P3H3: variants seen among roughly 807,000 people sequenced by gnomAD.
The protein encoded by P3H3 is gene rich cluster, B.
In P3H3, 64 loss-of-function variants were observed where a neutral mutation model predicts 78.1. The ratio of observed to expected loss-of-function variants is 0.82; its 90% CI spans 0.67 to 1.01. P3H3 has a LOEUF of 1.01. Ranked by LOEUF, P3H3 falls within the 50% of genes least tolerant of loss-of-function variation. The pLI, the probability that P3H3 is intolerant of heterozygous loss-of-function variation, is 0.00. For synonymous variants in P3H3, 425 were observed against 416.7 expected (o/e 1.02, Z -0.24); for missense variants, 975 against 982.2 (o/e 0.99, Z 0.10).
rs1225283465 is a variant in P3H3, at chr12:6,829,955, C to T, written c.595C>T (p.Arg199Ter). 3.3e-5 allele frequency: 53 copies of T among 1,613,900 alleles called. No individual in the cohort carries two copies. Among genetic ancestry groups the T allele is most frequent in the Non-Finnish European group, 4.2e-5 (50 of 1,179,890 alleles). The change falls in exon 2 of 15, where the codon CGA becomes TGA. Residue 199 changes from arginine to a stop codon, truncating the protein, a stop_gained. Transcript: ENST00000290510. LOFTEE classifies it high-confidence loss of function. The surrounding 1 kb of genome is among the most constrained non-coding windows in gnomAD (Gnocchi z 5.1). ...GCGGGAGGACATGGCTAAGTACAGACGAATGTCGGGAGTTCGGCCCCAGAG... is the reference window on the plus strand; with the variant it reads ...GCGGGAGGACATGGCTAAGTACAGATGAATGTCGGGAGTTCGGCCCCAGAG... ...QMREDMAKYR[R>*]MSGVRPQSFR...
In P3H3 at chr12:6,838,026, C is replaced by A. The variant is rs782805232; in HGVS notation, c.1898C>A (p.Thr633Asn). Residue 633 changes from threonine (T) to asparagine (N), a missense_variant, in exon 13 of 15, where the codon ACT becomes AAT. By Grantham distance (65) the Thr-to-Asn change is moderately conservative. Coordinates refer to ENST00000290510, the MANE Select transcript of P3H3 (RefSeq NM_014262.5). The part of the protein sequence containing the change: ...DLFFTEPNAL[T>N]VTARVRPRCG... ...TTCTTCACGGAGCCCAACGCCCTCACTGTCACGGTGCGTGGAGTGGGGGGT... is the reference window on the plus strand; with the variant it reads ...TTCTTCACGGAGCCCAACGCCCTCAATGTCACGGTGCGTGGAGTGGGGGGT... 2 of 1,603,736 alleles carry A rather than the reference C, an allele frequency of 1.2e-6. No individual in the cohort carries two copies. Among genetic ancestry groups the A allele is most frequent in the Non-Finnish European group, 1.7e-6 (2 of 1,174,836 alleles).
In P3H3 at chr12:6,828,850, G is replaced by T. The variant is rs782506845; in HGVS notation, c.410G>T (p.Gly137Val). Residue 137 changes from glycine (G) to valine (V), a missense_variant, in exon 1 of 15, where the codon GGC (glycine) becomes GTC (valine). By Grantham distance (109) the Gly-to-Val change is moderately radical. Transcript: ENST00000290510. ...QCAARRLGPG[G>V]AARLRVGSAL... ...GCAGCACGGAGGCTGGGCCCCGGGG[G>T]CGCGGCGCGGCTTCGCGTGGGGAGC... 17 of 1,245,462 alleles carry T rather than the reference G, an allele frequency of 1.4e-5. No individual in the cohort carries two copies. Among genetic ancestry groups the T allele is most frequent in the African/African-American group, 9.3e-5 (6 of 64,470 alleles). The allele number at this position is 1,245,462 out of a possible 1,614,324, so 77.2% of individuals were successfully genotyped here. A position where few individuals can be genotyped will look rare whatever the true frequency, so the allele number is the denominator to read the frequency against.
chr12:6,839,186 G>C, intron 14 of P3H3, 46 bp downstream of exon 14: 1 of 1,576,514 alleles, frequency 6.3e-7, no homozygotes, highest in South Asian at 1.2e-5. Flanking sequence ...GGTGCGTGAA[G>C]GGTGGGCAAG....
Position 6,828,877 on chromosome 12 carries a change from C to G in P3H3, c.437C>G (p.Ala146Gly). The G allele has an allele frequency of 8.0e-7, 1 of 1,247,030 alleles. No homozygotes were observed. The highest frequency in any genetic ancestry group is 1.0e-6 in the Non-Finnish European group (1 of 995,628). 77.2% of individuals were successfully genotyped at this position (1,247,030 alleles called of 1,614,324 possible). ...GGAARLRVGS[A>G]LRDAFRRREP... ...GCGGCGCGGCTTCGCGTGGGGAGCG[C>G]GCTCCGGGACGCCTTCCGCCGTCGG... The change falls in exon 1 of 15, where the codon GCG becomes GGG. Residue 146 changes from alanine (A) to glycine (G), a missense_variant. Transcript: ENST00000290510.
intron 9 of P3H3, among the ~76,000 whole-genome samples, chr12:6,836,470 T>C (rs1469697564): frequency 6.6e-6 from 1 of 151,128 alleles, no homozygotes; most frequent in Non-Finnish European, 1.5e-5. Context: ...TATCAAGGAG[T>C]GGGGGAGCCA....
chr12:6,831,737 G>A lies in P3H3; in HGVS notation c.1123-88G>A. On this transcript the variant is annotated intron_variant, in intron 5 of 14. Transcript: ENST00000290510. The surrounding 1 kb of genome is among the most constrained non-coding windows in gnomAD (Gnocchi z 4.6). ...CGGGGGGCATGGTGCCAGGTTCAAGGAGCATGGAGCACCCAGGCAGTGCCC... is the reference window on the plus strand; with the variant it reads ...CGGGGGGCATGGTGCCAGGTTCAAGAAGCATGGAGCACCCAGGCAGTGCCC... The A allele has an allele frequency of 3.6e-6, 3 of 822,994 alleles. No individual in the cohort carries two copies. Among genetic ancestry groups the A allele is most frequent in the Non-Finnish European group, 6.2e-6 (3 of 485,554 alleles). 51.0% of individuals were successfully genotyped at this position (822,994 alleles called of 1,614,324 possible).
chr12:6,830,628 T>C lies in P3H3; in HGVS notation c.854-11T>C. 6.2e-7 allele frequency: 1 copy of C among 1,608,286 alleles called. No homozygotes were observed. Among genetic ancestry groups the C allele is most frequent in the Non-Finnish European group, 8.5e-7 (1 of 1,177,270 alleles). On this transcript the variant is annotated splice_polypyrimidine_tract_variant and intron_variant, in intron 3 of 14. Transcript: ENST00000290510. ...TGAACAAGCTGAATGGCTTATGGGT[T>C]TCCTCTGCAGGACACTGGATTCAGG...
chr12:6,830,913 T>A (rs1555121321), intron 4 of P3H3, 143 bp downstream of exon 4: 2 of 1,275,944 alleles, frequency 1.6e-6, no homozygotes, highest in Non-Finnish European at 2.3e-6. Context: ...TCACAAGGAC[T>A]CTAATTTGCC....
intron 13 of P3H3, among the ~76,000 whole-genome samples, chr12:6,838,383 G>A (rs781811661): frequency 1.3e-5 from 2 of 152,170 alleles, no homozygotes; most frequent in Non-Finnish European, 2.9e-5. Context: ...TACCAGGGCC[G>A]CCTTGACTGG....
rs782669183 is a variant in P3H3, at chr12:6,830,626, G to A, written c.854-13G>A. ...CATGAACAAGCTGAATGGCTTATGG[G>A]TTTCCTCTGCAGGACACTGGATTCA... is the stretch of plus-strand genomic sequence containing the variant. On this transcript the variant is annotated splice_polypyrimidine_tract_variant and intron_variant, in intron 3 of 14. Transcript: ENST00000290510. The A allele has an allele frequency of 5.6e-6, 9 of 1,608,028 alleles. No individual in the cohort carries two copies. In the African/African-American group the frequency reaches 9.4e-5, roughly 17 times the overall value.
Position 6,830,625 on chromosome 12 carries a change from G to A in P3H3, c.854-14G>A, listed in dbSNP as rs1555121230. 8 of 1,607,444 alleles carry A rather than the reference G, an allele frequency of 5.0e-6. No individual in the cohort carries two copies. On this transcript the variant is annotated splice_polypyrimidine_tract_variant and intron_variant, in intron 3 of 14. Coordinates refer to ENST00000290510, the MANE Select transcript of P3H3 (RefSeq NM_014262.5). ...GCATGAACAAGCTGAATGGCTTATGGGTTTCCTCTGCAGGACACTGGATTC... is the reference window on the plus strand; with the variant it reads ...GCATGAACAAGCTGAATGGCTTATGAGTTTCCTCTGCAGGACACTGGATTC...
In P3H3 at chr12:6,837,063, C is replaced by T. The variant is rs1555122242; in HGVS notation, c.1537C>T (p.Leu513Phe). The change falls in exon 10 of 15, where the codon CTC becomes TTC. Residue 513 changes from leucine to phenylalanine, a missense_variant. By Grantham distance (22) the Leu-to-Phe change is conservative. Coordinates refer to ENST00000290510, the MANE Select transcript of P3H3 (RefSeq NM_014262.5). ...PHTPHERFEG[L>F]TVLKAAQLAR... The stretch of plus-strand genomic sequence containing the variant: ...CACCCCCCATGAACGCTTCGAGGGG[C>T]TCACGGTGCTTAAGGCTGCGCAGGT... 1 of 1,605,390 alleles carries T rather than the reference C, an allele frequency of 6.2e-7. No homozygotes were observed. Among genetic ancestry groups the T allele is most frequent in the Non-Finnish European group, 8.5e-7 (1 of 1,179,666 alleles).
rs1285575235 is a variant in P3H3, at chr12:6,831,152, C to T, written c.986-64C>T. ...CCACCTTCTCCAGCACTGCCTCTGC[C>T]CCAAGGATCAATGTGCTCTAAGTAT... On this transcript the variant is annotated intron_variant, in intron 4 of 14. Coordinates refer to ENST00000290510, the MANE Select transcript of P3H3 (RefSeq NM_014262.5). The surrounding 1 kb of genome is among the most constrained non-coding windows in gnomAD (Gnocchi z 4.6). 2 of 1,604,554 alleles carry T rather than the reference C, an allele frequency of 1.2e-6. No individual in the cohort carries two copies. Among genetic ancestry groups the T allele is most frequent in the Non-Finnish European group, 1.7e-6 (2 of 1,171,878 alleles).
intron 13 of P3H3, 110 bp from the exon 14 acceptor site, chr12:6,838,890 G>C (rs1050279205): frequency 2.2e-6 from 2 of 896,216 alleles, no homozygotes; most frequent in Non-Finnish European, 3.2e-6. Flanking sequence ...AAGTGGTAGC[G>C]AGAGAGCTGA....
chr12:6,838,083 G>A (rs1565514744), intron 13 of P3H3, 50 bp downstream of exon 13: 3 of 1,561,442 alleles, frequency 1.9e-6, no homozygotes, highest in East Asian at 4.8e-5. Context: ...CAGCTGTGGG[G>A]TCAGGATTCA....
Position 6,839,651 on chromosome 12 carries a change from T to A in P3H3, c.*190T>A. 1 of 740,664 alleles carries A rather than the reference T, an allele frequency of 1.4e-6. No individual in the cohort carries two copies. The highest frequency in any genetic ancestry group is 2.1e-6 in the Non-Finnish European group (1 of 473,140). 45.9% of individuals were successfully genotyped at this position (740,664 alleles called of 1,614,324 possible). A position where few individuals can be genotyped will look rare whatever the true frequency, so the allele number is the denominator to read the frequency against. Reference sequence around the variant, plus strand: ...GACAGTGCACAGGCTAGCCTGGAGCTCACCAGGCCTGGGGAGCTGGGACGG... The same window carrying A: ...GACAGTGCACAGGCTAGCCTGGAGCACACCAGGCCTGGGGAGCTGGGACGG... On this transcript the variant is annotated 3_prime_UTR_variant, in exon 15 of 15. Transcript: ENST00000290510.
intron 13 of P3H3, among the ~76,000 whole-genome samples, chr12:6,838,540 G>T (rs1943524822): frequency 6.6e-6 from 1 of 152,164 alleles, no homozygotes. Context: ...AGCAATTAAT[G>T]AATGTTAGGT....
Position 6,828,692 on chromosome 12 carries a change from T to C in P3H3, c.252T>C (p.Asp84=). Residue 84 remains aspartate, a synonymous_variant, in exon 1 of 15, where the codon GAT becomes GAC. Transcript: ENST00000290510. ...RLDCGASCAA[D]PGAALPAVLL... is the part of the protein sequence containing the mutation. ...ATTGCGGGGCGAGCTGCGCGGCCGA[T>C]CCGGGCGCCGCGCTCCCCGCCGTGC... is the stretch of plus-strand genomic sequence containing the variant. The C allele has an allele frequency of 8.0e-7, 1 of 1,242,830 alleles. No homozygotes were observed. Among genetic ancestry groups the C allele is most frequent in the Non-Finnish European group, 1.0e-6 (1 of 993,906 alleles). 77.0% of individuals were successfully genotyped at this position (1,242,830 alleles called of 1,614,324 possible).
At position 6,839,333 on chromosome 12, in the gene P3H3, C is replaced by T; in HGVS notation, c.2083C>T (p.Gln695Ter). The T allele has an allele frequency of 6.4e-7, 1 of 1,553,070 alleles. No homozygotes were observed. Among genetic ancestry groups the T allele is most frequent in the South Asian group, 1.2e-5 (1 of 84,198 alleles). The change falls in exon 15 of 15, where the codon CAG (glutamine) becomes TAG (stop). Residue 695 changes from glutamine (Q) to a stop codon, truncating the protein, a stop_gained. Coordinates refer to ENST00000290510, the MANE Select transcript of P3H3 (RefSeq NM_014262.5). LOFTEE classifies it high-confidence loss of function. ...AGCCAAAGAACTGCTGCAGGAGTCA[C>T]AGGAGGAGGAGGAAGAGGAAGAGGA... Reference protein sequence around the residue: ...IEAKELLQESQEEEEEEEEEM... With the variant: ...IEAKELLQES
Sources: allele counts gnomAD v4.1 joint callset (sites outside exome capture counted in the v4.1 genomes callset), GRCh38; gene constraint gnomAD v4.1.1; non-coding constraint Gnocchi (gnomAD v3.1); transcripts MANE v1.5; gene names NCBI Gene and HGNC (gene_info 2026-07-23, HGNC 2026-07-21).